The following TCEANC2 variants were observed in gnomAD, a reference collection of about 807,000 sequenced individuals.
The protein encoded by TCEANC2 is transcription elongation factor A N-terminal and central domain-containing protein 2.
TCEANC2 carries 20 observed loss-of-function variants against 22.8 expected under a neutral mutation model. The ratio of observed to expected loss-of-function variants is 0.88; its 90% CI spans 0.62 to 1.28. TCEANC2 has a LOEUF of 1.28. Among genes scored for constraint, TCEANC2 ranks in the 50% most tolerant of loss-of-function variants. The pLI is 0.00. For missense variants in TCEANC2, 251 were observed against 249.7 expected (o/e 1.01, Z -0.03); for synonymous variants, 84 against 95.5 (o/e 0.88, Z 0.70).
chr1:54,062,698 A>T (rs1470411945), intron 2 of TCEANC2, among the ~76,000 whole-genome samples: 2 of 152,254 alleles, frequency 1.3e-5, no homozygotes, highest in African/African-American at 2.4e-5. Flanking sequence ...CATAGAAGAC[A>T]TGATGCTTGA....
downstream of TCEANC2, among the ~76,000 whole-genome samples, chr1:54,107,398 G>A (rs541195699): frequency 2.0e-5 from 3 of 152,096 alleles, no homozygotes; most frequent in Non-Finnish European, 4.4e-5. Flanking sequence ...TGAGTGCTTG[G>A]TTACGTTAGT....
intron 3 of TCEANC2, among the ~76,000 whole-genome samples, chr1:54,084,696 T>C (rs1418104256): frequency 6.6e-6 from 1 of 151,994 alleles, no homozygotes; most frequent in African/African-American, 2.4e-5. Flanking sequence ...ACCCCGTCTC[T>C]ACTAAAAATA....
intron 3 of TCEANC2, among the ~76,000 whole-genome samples, chr1:54,082,526 C>T (rs1268845499): frequency 1.3e-5 from 2 of 152,276 alleles, no homozygotes; most frequent in Admixed American, 1.3e-4. Flanking sequence ...CAGGTTCTGC[C>T]CTCAACCCGT....
chr1:54,095,226 G>A (rs1361584818), intron 4 of TCEANC2, among the ~76,000 whole-genome samples: 1 of 152,236 alleles, frequency 6.6e-6, no homozygotes, highest in Non-Finnish European at 1.5e-5. Flanking sequence ...AGCCTGAAGA[G>A]CTTTCAGTCC....
intron 3 of TCEANC2, among the ~76,000 whole-genome samples, chr1:54,086,967 C>T (rs1001959537): frequency 6.6e-6 from 1 of 152,194 alleles, no homozygotes; most frequent in African/African-American, 2.4e-5. Flanking sequence ...CACAAGTGCT[C>T]ACACACCCAT....
intron 3 of TCEANC2, among the ~76,000 whole-genome samples, chr1:54,084,039 G>A (rs34649684): frequency 0.037 from 5,489 of 150,096 alleles, 265 homozygotes; most frequent in East Asian, 0.2. Flanking sequence ...TTTTGAGACC[G>A]TCTTGATCTG....
chr1:54,070,148 A>G (rs895217731), intron 3 of TCEANC2, among the ~76,000 whole-genome samples: 4 of 152,334 alleles, frequency 2.6e-5, no homozygotes, highest in African/African-American at 7.2e-5. Flanking sequence ...AGAATCTGAG[A>G]AAATCAGATG....
Position 54,096,216 on chromosome 1 carries a change from T to C in TCEANC2, c.439-69T>C, listed in dbSNP as rs1570026281. On this transcript the variant is annotated intron_variant, in intron 4 of 4. Coordinates refer to ENST00000234827, the MANE Select transcript of TCEANC2 (RefSeq NM_153035.3). The surrounding 1 kb of genome is among the most constrained non-coding windows in gnomAD (Gnocchi z 4.9). ...TAATGGAGGCCTCTGAGCAGAGTGC[T>C]CCAGCCTCTCTTGCTTTTAATCCTT... is the stretch of plus-strand genomic sequence containing the variant. The C allele has an allele frequency of 6.6e-7, 1 of 1,522,176 alleles. No individual in the cohort carries two copies. Among genetic ancestry groups the C allele is most frequent in the Non-Finnish European group, 8.9e-7 (1 of 1,126,204 alleles). The allele number at this position is 1,522,176 out of a possible 1,614,324, so 94.3% of individuals were successfully genotyped here.
chr1:54,071,616 T>G (rs1176130140), intron 3 of TCEANC2, among the ~76,000 whole-genome samples: 1 of 152,190 alleles, frequency 6.6e-6, no homozygotes. Context: ...CATATGCTAT[T>G]GGTCACACAG....
intron 4 of TCEANC2, among the ~76,000 whole-genome samples, chr1:54,091,525 T>G (rs1658446790): frequency 6.6e-6 from 1 of 152,158 alleles, no homozygotes; most frequent in African/African-American, 2.4e-5. Context: ...AGAAAAAAAA[T>G]GTTTCCATGT....
At chr1:54,095,433 T>C (rs1286118840) in intron 4 of TCEANC2, among the ~76,000 whole-genome samples, 1 of 151,956 alleles carries the variant, frequency 6.6e-6, no homozygotes, top group Non-Finnish European at 1.5e-5. Context: ...TAGCTGAAGA[T>C]GGGCCTGGAA....
Position 54,096,480 on chromosome 1 carries a change from G to A in TCEANC2, c.*7G>A. On this transcript the variant is annotated 3_prime_UTR_variant, in exon 5 of 5. Transcript: ENST00000234827. The surrounding 1 kb of genome is among the most constrained non-coding windows in gnomAD (Gnocchi z 4.9). ...ACAGACCCACAAAAAGTGACCTGAG[G>A]ACGGTTCCAGCCCTGGGCCAGGCAG... The A allele has an allele frequency of 6.3e-7, 1 of 1,590,764 alleles. No individual in the cohort carries two copies. The highest frequency in any genetic ancestry group is 8.6e-7 in the Non-Finnish European group (1 of 1,160,666).
intron 3 of TCEANC2, among the ~76,000 whole-genome samples, chr1:54,082,280 A>G (rs74085161): frequency 0.068 from 10,372 of 152,156 alleles, 765 homozygotes; most frequent in African/African-American, 0.18. Flanking sequence ...GAAACTTTTC[A>G]TTTTCTCAGC....
In TCEANC2 at chr1:54,068,750, T is replaced by C; in HGVS notation, c.103-6T>C. 4 of 1,586,064 alleles carry C rather than the reference T, an allele frequency of 2.5e-6. No individual in the cohort carries two copies. Among genetic ancestry groups the C allele is most frequent in the Non-Finnish European group, 3.4e-6 (4 of 1,171,958 alleles). On this transcript the variant is annotated splice_region_variant and splice_polypyrimidine_tract_variant and intron_variant, in intron 2 of 4. Transcript: ENST00000234827. ...CCATTTTCCAAATGACTTTTCTTTT[T>C]CCCAGAGAGTTGTGGTTGTAGAAGA...
Position 54,068,798 on chromosome 1 carries a change from C to T in TCEANC2, c.145C>T (p.Leu49=). 1 of 1,610,910 alleles carries T rather than the reference C, an allele frequency of 6.2e-7. No homozygotes were observed. The highest frequency in any genetic ancestry group is 8.5e-7 in the Non-Finnish European group (1 of 1,179,066). The stretch of plus-strand genomic sequence containing the variant: ...AGACATAAAAAGATGGAAAACTATG[C>T]TGGAGCTTCCTGATCAAACCAAAGA... ...VEDIKRWKTM[L]ELPDQTKENL... The change falls in exon 3 of 5, where the codon CTG becomes TTG. Residue 49 remains leucine, a synonymous_variant. Coordinates refer to ENST00000234827, the MANE Select transcript of TCEANC2 (RefSeq NM_153035.3).
intron 3 of TCEANC2, among the ~76,000 whole-genome samples, chr1:54,079,738 A>G (rs899917386): frequency 2.6e-5 from 4 of 152,136 alleles, no homozygotes; most frequent in African/African-American, 9.7e-5. Flanking sequence ...AATCACATCT[A>G]TAGTCTCTTT....
chr1:54,104,890 C>T lies in TCEANC2; in HGVS notation c.*8417C>T, dbSNP rs1345580015. On this transcript the variant is annotated 3_prime_UTR_variant, in exon 5 of 5. Coordinates refer to ENST00000234827, the MANE Select transcript of TCEANC2 (RefSeq NM_153035.3). ...ATTATACAAGTGCCCAGACCGTGAC[C>T]TGAGCAGGATATGCTGACTTCAGGC... 4 of 296,736 alleles carry T rather than the reference C, an allele frequency of 1.3e-5. No homozygotes were observed. The highest frequency in any genetic ancestry group is 8.4e-4 in the Middle Eastern group (2 of 2,374). The allele number at this position is 296,736 out of a possible 1,614,324, so 18.4% of individuals were successfully genotyped here. A position where few individuals can be genotyped will look rare whatever the true frequency, so the allele number is the denominator to read the frequency against.
chr1:54,094,783 T>C (rs1658514614), intron 4 of TCEANC2, among the ~76,000 whole-genome samples: 1 of 151,858 alleles, frequency 6.6e-6, no homozygotes, highest in Non-Finnish European at 1.5e-5. Context: ...AAAAAGGAAG[T>C]GAGAGAGAGA....
At chr1:54,081,469 A>G (rs147409137) in intron 3 of TCEANC2, among the ~76,000 whole-genome samples, 36 of 151,978 alleles carry the variant, frequency 2.4e-4, no homozygotes, top group African/African-American at 8.2e-4. Flanking sequence ...CTGATCTCAA[A>G]CTCCTGCACT....
Sources: gnomAD v4.1 joint callset for allele counts (sites outside exome capture counted in the v4.1 genomes callset) on GRCh38, gnomAD v4.1.1 for gene constraint, Gnocchi (gnomAD v3.1) non-coding constraint, MANE v1.5 for transcripts, NCBI Gene and HGNC (gene_info 2026-07-23, HGNC 2026-07-21) for gene names.